Variants in PCDHGA8 observed in about 807,000 individuals in gnomAD.
PCDHGA8 encodes the protein protocadherin gamma subfamily A, 8, also known as protocadherin gamma-A8.
In PCDHGA8, 45 loss-of-function variants were observed where a neutral mutation model predicts 59.2. That is an observed-to-expected ratio of 0.76 (90% CI 0.60 to 0.98). The LOEUF is 0.98. Ranked by LOEUF, PCDHGA8 falls within the 50% of genes least tolerant of loss-of-function variation. The pLI, the probability that PCDHGA8 is intolerant of heterozygous loss-of-function variation, is 0.00. For missense variants in PCDHGA8, 1,257 were observed against 1,196.2 expected (o/e 1.05, Z -0.75); for synonymous variants, 531 against 519.0 (o/e 1.02, Z -0.32).
chr5:141,487,590 C>G lies in PCDHGA8; in HGVS notation c.2425-7217C>G. 1 of 1,614,160 alleles carries G rather than the reference C, an allele frequency of 6.2e-7. No homozygotes were observed. Among genetic ancestry groups the G allele is most frequent in the Non-Finnish European group, 8.5e-7 (1 of 1,180,040 alleles). ...GAGCCTGTTCGCCCAAGCTGCCCACCCTCTGATCTTCTCTATGGGCTAGAG... is the reference window on the plus strand; with the variant it reads ...GAGCCTGTTCGCCCAAGCTGCCCACGCTCTGATCTTCTCTATGGGCTAGAG... On this transcript the variant is annotated intron_variant, in intron 1 of 3. Transcript: ENST00000398604. The surrounding 1 kb of genome is among the most constrained non-coding windows in gnomAD (Gnocchi z 5.0).
chr5:141,423,233 TC>T, intron 1 of PCDHGA8: 1 of 1,613,860 alleles, frequency 6.2e-7, no homozygotes, highest in Non-Finnish European at 8.5e-7. Flanking sequence ...GCCGACAGCA[TC>T]CCCGAAGTCC....
intron 1 of PCDHGA8, among the ~76,000 whole-genome samples, chr5:141,458,596 G>A (rs907922436): frequency 1.8e-4 from 27 of 151,842 alleles, no homozygotes; most frequent in African/African-American, 5.8e-4. Flanking sequence ...TTGGAGACGA[G>A]TCTCACTCTG....
At chr5:141,478,050 C>G (rs2099429383) in intron 1 of PCDHGA8, 2 of 1,614,184 alleles carry the variant, frequency 1.2e-6, no homozygotes, top group South Asian at 2.2e-5. Context: ...CAGACTCTCA[C>G]GGTCTTGATC....
chr5:141,397,985 C>A (rs1034752721), intron 1 of PCDHGA8: 3 of 1,315,640 alleles, frequency 2.3e-6, no homozygotes, highest in Non-Finnish European at 2.1e-6. Context: ...GGCCTTTACA[C>A]CGCTTCCTCC....
At chr5:141,444,152 A>ATTTTT (rs747671382) in intron 1 of PCDHGA8, among the ~76,000 whole-genome samples, 10 of 33,898 alleles carry the variant, frequency 3.0e-4, no homozygotes, top group Middle Eastern at 0.019. Context: ...TGTGTACTGG[A>ATTTTT]TTTTTTTTTT....
chr5:141,501,290 TAC>T (rs55762287), intron 2 of PCDHGA8, among the ~76,000 whole-genome samples: 11,544 of 136,022 alleles, frequency 0.085, 708 homozygotes, highest in East Asian at 0.37. Context: ...TATTCCCTTA[TAC>T]ACACACACAC....
At chr5:141,453,046 T>C (rs1561950003) in intron 1 of PCDHGA8, among the ~76,000 whole-genome samples, 1 of 152,186 alleles carries the variant, frequency 6.6e-6, no homozygotes, top group Non-Finnish European at 1.5e-5. Context: ...GTTTCTATTA[T>C]GTGCAGTTTT....
At chr5:141,400,217 T>A (rs771117256) in intron 1 of PCDHGA8, 1 of 1,613,916 alleles carries the variant, frequency 6.2e-7, no homozygotes, top group Non-Finnish European at 8.5e-7. Flanking sequence ...TTGATCTCAG[T>A]GCTCTTCCTC....
chr5:141,469,104 C>T (rs1046234848), intron 1 of PCDHGA8, among the ~76,000 whole-genome samples: 1 of 151,760 alleles, frequency 6.6e-6, no homozygotes, highest in Admixed American at 6.6e-5. Flanking sequence ...AAGCAAGAAC[C>T]TGTCTCTAAA....
At chr5:141,410,600 C>T in intron 1 of PCDHGA8, 1 of 1,608,048 alleles carries the variant, frequency 6.2e-7, no homozygotes, top group Non-Finnish European at 8.5e-7. Flanking sequence ...TTTGACTTCA[C>T]ATCCTGAGAC....
chr5:141,473,626 G>A lies in PCDHGA8; in HGVS notation c.2425-21181G>A, dbSNP rs149882847. ...GCAAAGCAAAGGGAGGGAGGAAAAA[G>A]CAGCTTTCCTGGCAAAGGAACAATT... On this transcript the variant is annotated intron_variant, in intron 1 of 3. Transcript: ENST00000398604. Among the ~76,000 whole-genome samples, 1,234 of 152,276 alleles carry A rather than the reference G, an allele frequency of 8.1e-3. 14 individuals are homozygous for A. Among genetic ancestry groups the A allele is most frequent in the Non-Finnish European group, 0.011 (715 of 68,020 alleles).
chr5:141,453,288 A>ATTAT (rs577328880), intron 1 of PCDHGA8, among the ~76,000 whole-genome samples: 1,792 of 151,444 alleles, frequency 0.012, 41 homozygotes, highest in African/African-American at 0.034. Context: ...TAATTTTTTA[A>ATTAT]TTATTTATTT....
At chr5:141,415,302 G>A in intron 1 of PCDHGA8, 3 of 1,614,212 alleles carry the variant, frequency 1.9e-6, no homozygotes, top group South Asian at 2.2e-5. Context: ...GCGTCTTCCT[G>A]GCCTTCGTCA....
At chr5:141,427,519 G>A (rs1428732557) in intron 1 of PCDHGA8, 1 of 602,000 alleles carries the variant, frequency 1.7e-6, no homozygotes, top group Non-Finnish European at 3.1e-6. Context: ...GATTGGGAGC[G>A]GATCCCGGAG....
At chr5:141,473,169 C>T (rs141382764) in intron 1 of PCDHGA8, among the ~76,000 whole-genome samples, 2 of 152,286 alleles carry the variant, frequency 1.3e-5, no homozygotes, top group East Asian at 3.9e-4. Context: ...GGAAGGCCCA[C>T]TGGTAACTTG....
At chr5:141,510,378 C>T (rs919650449) in intron 3 of PCDHGA8, among the ~76,000 whole-genome samples, 1 of 151,688 alleles carries the variant, frequency 6.6e-6, no homozygotes, top group African/African-American at 2.4e-5. Flanking sequence ...TCTACTCGTG[C>T]CAGGCCTTGC....
In PCDHGA8 at chr5:141,414,653, A is replaced by G. The variant is rs2095771118; in HGVS notation, c.2424+19416A>G. ...AGCAAAGAGAATGCCCAGATTATTT[A>G]CTCCCTGGCTGAAGACACCATCCAG... On this transcript the variant is annotated intron_variant, in intron 1 of 3. Coordinates refer to ENST00000398604, the MANE Select transcript of PCDHGA8 (RefSeq NM_032088.2). 6.2e-7 allele frequency: 1 copy of G among 1,613,644 alleles called. No homozygotes were observed.
chr5:141,405,410 TTTTTGTTTTTTG>T lies in PCDHGA8; in HGVS notation c.2424+10183_2424+10194del, dbSNP rs1345529499. 4 of 1,557,296 alleles carry T rather than the reference TTTTTGTTTTTTG, an allele frequency of 2.6e-6. No individual in the cohort carries two copies. In the South Asian group the frequency reaches 4.6e-5, roughly 18 times the overall value. ...ATTTTTTTTCTTTCTTTCTTTTCTT[TTTTTGTTTTTTG>T]TTTTGTTTTGTTTTTGAGACAGAGT... On this transcript the variant is annotated intron_variant, in intron 1 of 3. Transcript: ENST00000398604.
At chr5:141,418,460 G>A in intron 1 of PCDHGA8, 1 of 1,613,992 alleles carries the variant, frequency 6.2e-7, no homozygotes, top group Non-Finnish European at 8.5e-7. Context: ...GAAGACTCTG[G>A]ACCGAGAAAC....
Sources: allele counts gnomAD v4.1 joint callset (sites outside exome capture counted in the v4.1 genomes callset), GRCh38; gene constraint gnomAD v4.1.1; non-coding constraint Gnocchi (gnomAD v3.1); transcripts MANE v1.5; gene names NCBI Gene and HGNC (gene_info 2026-07-23, HGNC 2026-07-21).